Variants in ASPHD2 observed in about 807,000 individuals in gnomAD.
The protein encoded by ASPHD2 is aspartate beta-hydroxylase domain containing 2.
ASPHD2 carries 12 observed loss-of-function variants against 34.6 expected under a neutral mutation model. The observed-to-expected ratio is 0.35, with a 90% CI of 0.22 to 0.56. The LOEUF is 0.56. ASPHD2 is among the 20% of genes least tolerant of loss of function. The probability of loss-of-function intolerance (pLI) is 0.87; values close to 1 mark genes in which losing one functional copy is unlikely to be tolerated. For missense variants in ASPHD2, 375 were observed against 505.0 expected (o/e 0.74, Z 2.47); for synonymous variants, 224 against 212.2 (o/e 1.06, Z -0.48).
At chr22:26,438,526 C>CATATAT (rs1377893713) in intron 2 of ASPHD2, among the ~76,000 whole-genome samples, 4 of 145,526 alleles carry the variant, frequency 2.7e-5, no homozygotes, top group Admixed American at 1.4e-4. Flanking sequence ...CATATATATA[C>CATATAT]ATACATATAT....
At chr22:26,438,510 TAC>T (rs1555883294) in intron 2 of ASPHD2, among the ~76,000 whole-genome samples, 1 of 96,148 alleles carries the variant, frequency 1.0e-5, no homozygotes, top group South Asian at 3.8e-4. Flanking sequence ...TACATATATA[TAC>T]ATACATATAT....
At chr22:26,442,105 C>CAAAA (rs61233112) in intron 2 of ASPHD2, among the ~76,000 whole-genome samples, 1 of 98,170 alleles carries the variant, frequency 1.0e-5, no homozygotes, top group Non-Finnish European at 2.0e-5. Context: ...GACTCCATTT[C>CAAAA]AAAAAAAAAA....
At chr22:26,442,390 A>T in intron 2 of ASPHD2, 69 bp from the exon 3 acceptor site, 2 of 1,185,588 alleles carry the variant, frequency 1.7e-6, no homozygotes, top group South Asian at 2.9e-5. Flanking sequence ...AAGGCAAATC[A>T]CCCCCTATCT....
Position 26,442,543 on chromosome 22 carries a change from ACT to A in ASPHD2, c.974_975del (p.Ser325PhefsTer8), listed in dbSNP as rs2084856798. 1 of 1,608,766 alleles carries A rather than the reference ACT, an allele frequency of 6.2e-7. No homozygotes were observed. The highest frequency in any genetic ancestry group is 2.2e-5 in the East Asian group (1 of 44,462). Reference sequence around the variant, plus strand: ...GAAGGGCGCTGCCTTCTCTTTGATGACTCTTTCCTGCATGCTGCGTTCCATGA... The same window carrying A: ...GAAGGGCGCTGCCTTCTCTTTGATGACTTTCCTGCATGCTGCGTTCCATGA... On this transcript the variant is annotated frameshift_variant, in exon 3 of 4. Transcript: ENST00000215906. LOFTEE classifies it high-confidence loss of function.
Position 26,443,991 on chromosome 22 carries a change from C to T in ASPHD2, c.*785C>T, listed in dbSNP as rs117704397. On this transcript the variant is annotated 3_prime_UTR_variant, in exon 4 of 4. Coordinates refer to ENST00000215906, the MANE Select transcript of ASPHD2 (RefSeq NM_020437.5). ...CAGATCAGCCACGGAACGTGTGATC[C>T]GCTTACCTCACTGCCTACAGAAGCC... 9.5e-3 allele frequency: 1,449 copies of T among 152,344 alleles called. 9 individuals are homozygous for T. The highest frequency in any genetic ancestry group is 0.017 in the Middle Eastern group (5 of 294). The allele number at this position is 152,344 out of a possible 1,614,324, so 9.4% of individuals were successfully genotyped here.
chr22:26,443,376 G>T lies in ASPHD2; in HGVS notation c.*170G>T. 2 of 574,274 alleles carry T rather than the reference G, an allele frequency of 3.5e-6. No homozygotes were observed. The highest frequency in any genetic ancestry group is 2.1e-5 in the South Asian group (1 of 46,890). The allele number at this position is 574,274 out of a possible 1,614,324, so 35.6% of individuals were successfully genotyped here. ...CGGGTCCCTCTTTCCCTTGGTTATT[G>T]TAAATGGAAACTTTTCGGCTTGTAT... On this transcript the variant is annotated 3_prime_UTR_variant, in exon 4 of 4. Coordinates refer to ENST00000215906, the MANE Select transcript of ASPHD2 (RefSeq NM_020437.5).
At chr22:26,439,598 G>T (rs972461605) in intron 2 of ASPHD2, among the ~76,000 whole-genome samples, 1 of 152,234 alleles carries the variant, frequency 6.6e-6, no homozygotes, top group Non-Finnish European at 1.5e-5. Context: ...CATCTGGAAA[G>T]TGGGTGAAGT....
Position 26,443,714 on chromosome 22 carries a change from G to C in ASPHD2, c.*508G>C, listed in dbSNP as rs545055024. The C allele has an allele frequency of 3.3e-5, 5 of 152,556 alleles. No individual in the cohort carries two copies. Among genetic ancestry groups the C allele is most frequent in the Non-Finnish European group, 5.8e-5 (4 of 68,548 alleles). 9.5% of individuals were successfully genotyped at this position (152,556 alleles called of 1,614,324 possible). On this transcript the variant is annotated 3_prime_UTR_variant, in exon 4 of 4. Coordinates refer to ENST00000215906, the MANE Select transcript of ASPHD2 (RefSeq NM_020437.5). ...ACTGGGGACCCTTCAGCCACCTGAC[G>C]GCAGGGGGACAGTCTGCAGCCCCCA...
At chr22:26,435,750 G>T (rs1601701689) in intron 2 of ASPHD2, among the ~76,000 whole-genome samples, 1 of 59,524 alleles carries the variant, frequency 1.7e-5, no homozygotes, top group East Asian at 3.8e-4. Context: ...GAAAAGAAAA[G>T]AAAAGAAAAG....
intron 1 of ASPHD2, among the ~76,000 whole-genome samples, chr22:26,430,517 A>C (rs1246809888): frequency 2.0e-5 from 3 of 152,172 alleles, no homozygotes; most frequent in Non-Finnish European, 2.9e-5. Flanking sequence ...TGTGCGAAGG[A>C]AGCTGGAAGC....
intron 3 of ASPHD2, 98 bp from the exon 4 acceptor site, chr22:26,442,999 C>A: frequency 1.2e-6 from 1 of 846,962 alleles, no homozygotes; most frequent in Non-Finnish European, 2.0e-6. Flanking sequence ...GGGGTCCCTG[C>A]CCCGAAGCTG....
chr22:26,434,818 G>A (rs2084780837), intron 2 of ASPHD2, among the ~76,000 whole-genome samples: 1 of 152,188 alleles, frequency 6.6e-6, no homozygotes, highest in Non-Finnish European at 1.5e-5. Context: ...CTTGAAACTT[G>A]TCTCCTGTAA....
At chr22:26,440,714 T>A (rs182096777) in intron 2 of ASPHD2, among the ~76,000 whole-genome samples, 123 of 152,266 alleles carry the variant, frequency 8.1e-4, no homozygotes, top group Non-Finnish European at 1.4e-3. Flanking sequence ...TCCTCCAGTT[T>A]CCCAGAATGA....
chr22:26,433,967 C>T lies in ASPHD2; in HGVS notation c.352C>T (p.His118Tyr), dbSNP rs1568981927. 1 of 1,613,444 alleles carries T rather than the reference C, an allele frequency of 6.2e-7. No homozygotes were observed. The highest frequency in any genetic ancestry group is 2.2e-5 in the East Asian group (1 of 44,880). ...GTCCCCTGAGTGCGTGCGCTGCACCCACAACGAGGGCCTCAACCAGAAGCT... is the reference window on the plus strand; with the variant it reads ...GTCCCCTGAGTGCGTGCGCTGCACCTACAACGAGGGCCTCAACCAGAAGCT... ...CQSPECVRCTHNEGLNQKLYH... is the reference protein window; with the variant it reads ...CQSPECVRCTYNEGLNQKLYH... Residue 118 changes from histidine (H) to tyrosine (Y), a missense_variant, in exon 2 of 4, where the codon CAC becomes TAC. Physicochemically the swap from His to Tyr is moderately conservative, Grantham distance 83. Coordinates refer to ENST00000215906, the MANE Select transcript of ASPHD2 (RefSeq NM_020437.5). This position sits in a 1 kb window ranked among gnomAD's most constrained non-coding sequence, Gnocchi z 5.1.
Position 26,443,088 on chromosome 22 carries a change from C to T in ASPHD2, c.1001-9C>T, listed in dbSNP as rs568117916. On this transcript the variant is annotated splice_polypyrimidine_tract_variant and intron_variant, in intron 3 of 3. Transcript: ENST00000215906. ...TGAACCTGTCCTCTCACCCCTCCTTCCCCCCCAGGTTCAGCAGAGGATGGC... is the reference window on the plus strand; with the variant it reads ...TGAACCTGTCCTCTCACCCCTCCTTTCCCCCCAGGTTCAGCAGAGGATGGC... The T allele has an allele frequency of 3.8e-5, 61 of 1,596,262 alleles. No individual in the cohort carries two copies. The South Asian group carries it at 6.5e-4, about 17-fold the overall frequency.
Position 26,433,601 on chromosome 22 carries a change from C to A in ASPHD2, c.-15C>A, listed in dbSNP as rs746631415. 2 of 1,603,284 alleles carry A rather than the reference C, an allele frequency of 1.2e-6. No homozygotes were observed. Among genetic ancestry groups the A allele is most frequent in the South Asian group, 1.1e-5 (1 of 89,970 alleles). Reference sequence around the variant, plus strand: ...CCCCTGCCCCAGCCGCTCCTTCCCCCCCACGCTAATCTGCATGGTGTGGGC... The same window carrying A: ...CCCCTGCCCCAGCCGCTCCTTCCCCACCACGCTAATCTGCATGGTGTGGGC... On this transcript the variant is annotated 5_prime_UTR_variant, in exon 2 of 4. Coordinates refer to ENST00000215906, the MANE Select transcript of ASPHD2 (RefSeq NM_020437.5). The surrounding 1 kb of genome is among the most constrained non-coding windows in gnomAD (Gnocchi z 5.1).
chr22:26,438,664 T>TATATAC (rs1568984174), intron 2 of ASPHD2, among the ~76,000 whole-genome samples: 16 of 113,712 alleles, frequency 1.4e-4, no homozygotes, highest in Admixed American at 7.7e-4. Context: ...TATATATATA[T>TATATAC]ACACATACAT....
intron 1 of ASPHD2, among the ~76,000 whole-genome samples, chr22:26,430,144 C>T (rs35503232): frequency 0.039 from 6,014 of 152,324 alleles, 151 homozygotes; most frequent in Non-Finnish European, 0.053. Flanking sequence ...TCTCTGGCTC[C>T]TGAGTGGAGA....
chr22:26,441,113 G>A (rs1399991255), intron 2 of ASPHD2, among the ~76,000 whole-genome samples: 2 of 152,244 alleles, frequency 1.3e-5, no homozygotes, highest in East Asian at 3.8e-4. Flanking sequence ...CAAGGTGCCA[G>A]CAGATTTGGC....
Sources: allele counts gnomAD v4.1 joint callset (sites outside exome capture counted in the v4.1 genomes callset), GRCh38; gene constraint gnomAD v4.1.1; non-coding constraint Gnocchi (gnomAD v3.1); transcripts MANE v1.5; gene names NCBI Gene and HGNC (gene_info 2026-07-23, HGNC 2026-07-21).